DIAPH3: variants seen among roughly 807,000 people sequenced by gnomAD.
DIAPH3 encodes diaphanous related formin 3, also known as protein diaphanous homolog 3.
A neutral mutation model predicts 144.3 loss-of-function variants in DIAPH3; 117 were observed. That is an observed-to-expected ratio of 0.81 (90% CI 0.70 to 0.95). The LOEUF is 0.95. Ranked by LOEUF, DIAPH3 falls within the 40% of genes least tolerant of loss-of-function variation. DIAPH3 has a pLI of 0.00. For synonymous variants in DIAPH3, 519 were observed against 488.9 expected, an observed-to-expected ratio of 1.06 and a Z score of -0.81; for missense variants, 1,421 against 1,412.7, an observed-to-expected ratio of 1.01 and a Z score of -0.09.
chr13:60,073,042 C>T lies in DIAPH3; in HGVS notation c.495+20586G>A, dbSNP rs550065179. 2.0e-5 allele frequency among the ~76,000 whole-genome samples: 3 copies of T among 152,276 alleles called. No individual in the cohort carries two copies. In the South Asian group the frequency reaches 6.2e-4, roughly 32 times the overall value. On this transcript the variant is annotated intron_variant, in intron 4 of 27. Coordinates refer to ENST00000400324, the MANE Select transcript of DIAPH3 (RefSeq NM_001042517.2). ...TGAAAATATAGGCCGGGCACAGTGG[C>T]TCACACCTGTAATCCCAACGCTTTG...
At chr13:59,964,074 C>T (rs1394634172) in intron 17 of DIAPH3, among the ~76,000 whole-genome samples, 1 of 152,020 alleles carries the variant, frequency 6.6e-6, no homozygotes, top group Non-Finnish European at 1.5e-5. Flanking sequence ...GAGAGTAAGG[C>T]AGAAGACAGA....
intron 4 of DIAPH3, among the ~76,000 whole-genome samples, chr13:60,092,927 T>C (rs999806772): frequency 9.2e-5 from 14 of 152,216 alleles, no homozygotes; most frequent in African/African-American, 3.1e-4. Context: ...CTGTTGTAAA[T>C]TGAGCCAAAA....
At chr13:59,906,871 C>A (rs2046769413) in intron 20 of DIAPH3, among the ~76,000 whole-genome samples, 1 of 152,190 alleles carries the variant, frequency 6.6e-6, no homozygotes, top group Non-Finnish European at 1.5e-5. Flanking sequence ...TTACATAAAT[C>A]ATTTCTCACA....
chr13:59,937,902 A>C, intron 17 of DIAPH3, among the ~76,000 whole-genome samples: 1 of 152,212 alleles, frequency 6.6e-6, no homozygotes, highest in South Asian at 2.1e-4. Flanking sequence ...GAGGAGGAGA[A>C]GGTAGAGACA....
chr13:59,923,551 G>C (rs927708578), intron 18 of DIAPH3, among the ~76,000 whole-genome samples: 1 of 152,124 alleles, frequency 6.6e-6, no homozygotes, highest in African/African-American at 2.4e-5. Context: ...CCCTATATCA[G>C]GATGATGGAC....
intron 4 of DIAPH3, among the ~76,000 whole-genome samples, chr13:60,047,462 T>C (rs923761894): frequency 1.3e-5 from 2 of 152,184 alleles, no homozygotes; most frequent in African/African-American, 4.8e-5. Flanking sequence ...AAATCTATAG[T>C]AATCAAATTA....
rs2138510901 is a variant in DIAPH3 at position 60,163,846 on chromosome 13, G to A, written c.-80C>T. 3 of 1,507,724 alleles carry A rather than the reference G, an allele frequency of 2.0e-6. No individual in the cohort carries two copies. The highest frequency in any genetic ancestry group is 4.9e-5 in the East Asian group (2 of 40,428). 93.4% of individuals were successfully genotyped at this position (1,507,724 alleles called of 1,614,324 possible). A position where few individuals can be genotyped will look rare whatever the true frequency, so the allele number is the denominator to read the frequency against. On this transcript the variant is annotated 5_prime_UTR_variant, in exon 1 of 28. Transcript: ENST00000400324. Reference sequence around the variant, plus strand: ...GCTGGAAGCTGAGGGATCGACAACAGGTTTTACTCCCGGGGTCCGCCACCC... The same window carrying A: ...GCTGGAAGCTGAGGGATCGACAACAAGTTTTACTCCCGGGGTCCGCCACCC...
At chr13:60,155,024 T>C (rs945526480) in intron 1 of DIAPH3, among the ~76,000 whole-genome samples, 1 of 152,154 alleles carries the variant, frequency 6.6e-6, no homozygotes, top group African/African-American at 2.4e-5. Flanking sequence ...TATAAGGCAA[T>C]AAATATATAA....
intron 22 of DIAPH3, among the ~76,000 whole-genome samples, chr13:59,850,639 T>C (rs1365695319): frequency 1.3e-5 from 2 of 151,940 alleles, no homozygotes; most frequent in Non-Finnish European, 2.9e-5. Flanking sequence ...TTTGCGTATA[T>C]TGAACCAGCC....
chr13:59,862,149 G>A (rs1236823124), intron 21 of DIAPH3, among the ~76,000 whole-genome samples: 1 of 152,144 alleles, frequency 6.6e-6, no homozygotes, highest in Non-Finnish European at 1.5e-5. Flanking sequence ...CATTTACAAG[G>A]GCTATAGATG....
intron 2 of DIAPH3, 82 bp from the exon 3 acceptor site, chr13:60,112,268 G>T (rs1325316394): frequency 2.7e-6 from 4 of 1,493,164 alleles, no homozygotes; most frequent in Non-Finnish European, 3.7e-6. Context: ...GAAAAACAAA[G>T]AGGGCCAATC....
chr13:59,990,749 C>T (rs886178136), intron 12 of DIAPH3, among the ~76,000 whole-genome samples: 3 of 151,846 alleles, frequency 2.0e-5, no homozygotes, highest in Non-Finnish European at 4.4e-5. Context: ...CAACATTAAA[C>T]GCAACTGTAT....
intron 3 of DIAPH3, among the ~76,000 whole-genome samples, chr13:60,105,039 T>C (rs908417181): frequency 1.5e-5 from 2 of 130,584 alleles, no homozygotes; most frequent in Non-Finnish European, 3.1e-5. Context: ...GAGCTTGCAG[T>C]GAGCTGAGAT....
chr13:59,964,870 A>G (rs2049963656), intron 17 of DIAPH3, among the ~76,000 whole-genome samples: 1 of 152,154 alleles, frequency 6.6e-6, no homozygotes, highest in Non-Finnish European at 1.5e-5. Context: ...TTTCCAAATC[A>G]GTATTTGTGA....
intron 2 of DIAPH3, among the ~76,000 whole-genome samples, chr13:60,124,562 C>T (rs748043271): frequency 2.2e-4 from 34 of 151,992 alleles, no homozygotes; most frequent in Admixed American, 6.6e-4. Flanking sequence ...TGATTTTCTC[C>T]GGATTAAGGT....
chr13:60,049,506 T>TACA (rs1357707212), intron 4 of DIAPH3, among the ~76,000 whole-genome samples: 1 of 152,170 alleles, frequency 6.6e-6, no homozygotes, highest in Non-Finnish European at 1.5e-5. Context: ...CCACCACTAC[T>TACA]ACAACCCTTA....
chr13:59,978,083 T>A (rs1384377026), intron 14 of DIAPH3, among the ~76,000 whole-genome samples: 1 of 151,770 alleles, frequency 6.6e-6, no homozygotes, highest in Admixed American at 6.6e-5. Flanking sequence ...TTGTCTACCA[T>A]ACCAATTGCA....
In DIAPH3 at chr13:59,936,354, C is replaced by T. The variant is rs114631235; in HGVS notation, c.2075-11484G>A. 5.3e-3 allele frequency among the ~76,000 whole-genome samples: 809 copies of T among 152,216 alleles called. 6 individuals carry two copies. The highest frequency in any genetic ancestry group is 0.018 in the African/African-American group (752 of 41,552). On this transcript the variant is annotated intron_variant, in intron 17 of 27. Transcript: ENST00000400324. ...AGCAACTTTGCTCATCTCAAAAGTA[C>T]GACCCCTACAAAAAGAACCATTTTA...
intron 17 of DIAPH3, among the ~76,000 whole-genome samples, chr13:59,940,232 CA>C (rs915501046): frequency 2.6e-5 from 4 of 152,102 alleles, no homozygotes; most frequent in African/African-American, 9.7e-5. Flanking sequence ...ACTTTAAACT[CA>C]ATTACTTTAC....
Sources: allele counts gnomAD v4.1 joint callset (sites outside exome capture counted in the v4.1 genomes callset), GRCh38; gene constraint gnomAD v4.1.1; transcripts MANE v1.5; gene names NCBI Gene and HGNC (gene_info 2026-07-23, HGNC 2026-07-21).